NRG1: variants seen among roughly 807,000 people sequenced by gnomAD.
The protein encoded by NRG1 is neuregulin 1, also known as pro-neuregulin-1, membrane-bound isoform.
A neutral mutation model predicts 63.8 loss-of-function variants in NRG1; 18 were observed. The observed-to-expected ratio is 0.28, with a 90% confidence interval of 0.19 to 0.42. The LOEUF (loss-of-function observed/expected upper bound fraction) is 0.42. NRG1 is among the 10% of genes least tolerant of loss of function. The pLI, the probability that NRG1 is intolerant of heterozygous loss-of-function variation, is 1.00. For synonymous variants in NRG1, 302 were observed against 301.3 expected (o/e 1.00, Z -0.02); for missense variants, 762 against 814.7 (o/e 0.94, Z 0.79).
chr8:32,331,365 CAA>C (rs35510271), intron 1 of NRG1, among the ~76,000 whole-genome samples: 3 of 115,500 alleles, frequency 2.6e-5, no homozygotes, highest in Non-Finnish European at 3.4e-5. Context: ...ACAAAAAATA[CAA>C]AAAAAAAAAA....
chr8:31,973,625 A>T (rs78320993), intron 1 of NRG1, among the ~76,000 whole-genome samples: 1,659 of 152,298 alleles, frequency 0.011, 26 homozygotes, highest in African/African-American at 0.038. Context: ...TCTTTTAATC[A>T]TACTATTCAG....
chr8:32,618,444 T>C (rs1045590484), intron 5 of NRG1, among the ~76,000 whole-genome samples: 1 of 152,166 alleles, frequency 6.6e-6, no homozygotes, highest in South Asian at 2.1e-4. Flanking sequence ...CTGAAATAAA[T>C]CTCTCAGTTT....
At chr8:32,070,711 G>A (rs530954837) in intron 1 of NRG1, among the ~76,000 whole-genome samples, 13 of 152,224 alleles carry the variant, frequency 8.5e-5, no homozygotes, top group African/African-American at 3.1e-4. Flanking sequence ...AGCAATAGCC[G>A]GTAACCATGT....
rs1829293527 is a variant in NRG1, at chr8:31,869,526, A to G, written c.37+230095A>G. ...TTAAAATTAGAGCTTCACTATAAACAATCTTTGGTCAAGGAAAGGCTTTGT... is the reference window on the plus strand; with the variant it reads ...TTAAAATTAGAGCTTCACTATAAACGATCTTTGGTCAAGGAAAGGCTTTGT... On this transcript the variant is annotated intron_variant, in intron 1 of 10. Transcript: ENST00000519301. Among the ~76,000 whole-genome samples the G allele has an allele frequency of 2.0e-5, 3 of 152,164 alleles. No homozygotes were observed. In the South Asian group the frequency reaches 6.2e-4, roughly 32 times the overall value.
intron 1 of NRG1, among the ~76,000 whole-genome samples, chr8:32,468,632 C>T (rs2129490131): frequency 6.6e-6 from 1 of 152,208 alleles, no homozygotes; most frequent in Non-Finnish European, 1.5e-5. Context: ...TTTCTGTTCT[C>T]CACTTATTAC....
intron 1 of NRG1, among the ~76,000 whole-genome samples, chr8:31,918,444 C>T (rs1166587636): frequency 6.6e-6 from 1 of 152,188 alleles, no homozygotes; most frequent in Non-Finnish European, 1.5e-5. Flanking sequence ...GCCTTTTCTG[C>T]ATCTATTGAG....
chr8:31,794,302 A>C (rs1820991728), intron 1 of NRG1, among the ~76,000 whole-genome samples: 1 of 152,154 alleles, frequency 6.6e-6, no homozygotes, highest in African/African-American at 2.4e-5. Flanking sequence ...CTCTGACAAC[A>C]GACATTTTAT....
intron 1 of NRG1, among the ~76,000 whole-genome samples, chr8:32,585,535 C>T (rs1396147018): frequency 6.6e-6 from 1 of 152,220 alleles, no homozygotes; most frequent in Admixed American, 6.5e-5. Flanking sequence ...CATTAAGCCA[C>T]TTTTGTTGCT....
chr8:32,316,345 G>T (rs1386997576), intron 1 of NRG1, among the ~76,000 whole-genome samples: 4 of 151,942 alleles, frequency 2.6e-5, no homozygotes, highest in African/African-American at 9.7e-5. Flanking sequence ...GCTTGGTGGC[G>T]CATGCCTGTA....
intron 1 of NRG1, among the ~76,000 whole-genome samples, chr8:31,802,650 T>C (rs1821903000): frequency 1.3e-5 from 2 of 152,218 alleles, no homozygotes; most frequent in African/African-American, 4.8e-5. Context: ...GGCATAATTC[T>C]ACAACTGCTT....
intron 3 of NRG1, among the ~76,000 whole-genome samples, chr8:32,608,097 T>G (rs201533299): frequency 0.092 from 11,250 of 121,848 alleles, 439 homozygotes; most frequent in African/African-American, 0.14. Flanking sequence ...TTTTTGTTTT[T>G]TTTTTTTTTG....
At chr8:31,666,243 A>G (rs1806527520) in intron 1 of NRG1, among the ~76,000 whole-genome samples, 1 of 152,206 alleles carries the variant, frequency 6.6e-6, no homozygotes, top group Admixed American at 6.5e-5. Flanking sequence ...GGAGGTGGGC[A>G]TGTGGGAGAC....
At chr8:32,437,866 AAGAT>A (rs1174090595) in intron 1 of NRG1, among the ~76,000 whole-genome samples, 1 of 152,162 alleles carries the variant, frequency 6.6e-6, no homozygotes, top group African/African-American at 2.4e-5. Context: ...TCTCAGCAAA[AAGAT>A]AGATACTTTT....
chr8:32,097,604 A>T (rs766493548), intron 1 of NRG1, among the ~76,000 whole-genome samples: 2 of 152,138 alleles, frequency 1.3e-5, no homozygotes, highest in Non-Finnish European at 2.9e-5. Context: ...CAGGAAAGAG[A>T]TGACATTGGG....
Position 31,928,649 on chromosome 8 carries a change from TACAC to T in NRG1, c.37+289237_37+289240del, listed in dbSNP as rs35727947. Among the ~76,000 whole-genome samples, 551 of 148,238 alleles carry T rather than the reference TACAC, an allele frequency of 3.7e-3. 1 individual carries two copies. Among genetic ancestry groups the T allele is most frequent in the Middle Eastern group, 0.014 (4 of 288 alleles). On this transcript the variant is annotated intron_variant, in intron 1 of 10. Coordinates refer to the NRG1 transcript ENST00000519301. ...TACCATGAAATACTATATATATATA[TACAC>T]ACACACACACACACACACCATGAAA... is the stretch of plus-strand genomic sequence containing the variant.
intron 1 of NRG1, among the ~76,000 whole-genome samples, chr8:31,730,970 GTT>G (rs1170994153): frequency 1.3e-5 from 2 of 152,040 alleles, no homozygotes; most frequent in East Asian, 3.9e-4. Context: ...AAAGAACATA[GTT>G]TTTTTCTTTT....
intron 1 of NRG1, among the ~76,000 whole-genome samples, chr8:32,046,938 A>G (rs1162549314): frequency 6.6e-6 from 1 of 152,098 alleles, no homozygotes; most frequent in Non-Finnish European, 1.5e-5. Context: ...TAAAACTAGA[A>G]GAAAAAAGTC....
At chr8:32,329,114 G>T (rs558244259) in intron 1 of NRG1, among the ~76,000 whole-genome samples, 1 of 152,236 alleles carries the variant, frequency 6.6e-6, no homozygotes, top group South Asian at 2.1e-4. Flanking sequence ...CTATGGGCAT[G>T]CATCACCATG....
chr8:32,590,904 C>A (rs1376863909), intron 1 of NRG1, among the ~76,000 whole-genome samples: 1 of 152,056 alleles, frequency 6.6e-6, no homozygotes, highest in Non-Finnish European at 1.5e-5. Flanking sequence ...TTCCAGTAGT[C>A]CTGGAAGACA....
Sources: gnomAD v4.1 joint callset for allele counts (sites outside exome capture counted in the v4.1 genomes callset) on GRCh38, gnomAD v4.1.1 for gene constraint, MANE v1.5 for transcripts, NCBI Gene and HGNC (gene_info 2026-07-23, HGNC 2026-07-21) for gene names.